The following GRAMD1C variants were observed in gnomAD, a reference collection of about 807,000 sequenced individuals.
The protein encoded by GRAMD1C is GRAM domain containing 1C, also known as protein Aster-C.
GRAMD1C carries 89 observed loss-of-function variants against 97.8 expected under a neutral mutation model. That is an observed-to-expected ratio of 0.91 (90% CI 0.77 to 1.09). GRAMD1C has a LOEUF of 1.09. GRAMD1C is among the 50% of genes least tolerant of loss of function. The probability of loss-of-function intolerance (pLI) is 0.00; values close to 1 mark genes in which losing one functional copy is unlikely to be tolerated. For synonymous variants in GRAMD1C, 256 were observed against 267.0 expected, an observed-to-expected ratio of 0.96 and a Z score of 0.40; for missense variants, 740 against 766.4, an observed-to-expected ratio of 0.97 and a Z score of 0.41.
At chr3:113,847,425 T>A (rs988022740) in intron 2 of GRAMD1C, among the ~76,000 whole-genome samples, 2 of 152,238 alleles carry the variant, frequency 1.3e-5, no homozygotes, top group Non-Finnish European at 2.9e-5. Flanking sequence ...AAGTATGGCA[T>A]GTGCAATGAA....
upstream of GRAMD1C, among the ~76,000 whole-genome samples, chr3:113,835,677 G>A (rs938430294): frequency 6.6e-6 from 1 of 152,168 alleles, no homozygotes; most frequent in Non-Finnish European, 1.5e-5. Flanking sequence ...GCTGTTATTG[G>A]GAAAAAGGCA....
intron 12 of GRAMD1C, among the ~76,000 whole-genome samples, chr3:113,934,082 T>C (rs1191925663): frequency 2.0e-5 from 3 of 152,242 alleles, no homozygotes; most frequent in Non-Finnish European, 2.9e-5. Context: ...CTCTGGTTAA[T>C]GTAGTTACTT....
At chr3:113,919,522 G>T in intron 10 of GRAMD1C, 1 of 545,784 alleles carries the variant, frequency 1.8e-6, no homozygotes, top group South Asian at 1.4e-5. Flanking sequence ...CTGGAGAACT[G>T]ACTCAGAGAA....
intron 6 of GRAMD1C, among the ~76,000 whole-genome samples, chr3:113,892,557 G>T (rs1396288074): frequency 6.6e-6 from 1 of 152,128 alleles, no homozygotes; most frequent in African/African-American, 2.4e-5. Flanking sequence ...ATTTGACCTG[G>T]TGAAACATAA....
intron 6 of GRAMD1C, chr3:113,885,767 C>A: frequency 6.3e-7 from 1 of 1,593,980 alleles, no homozygotes; most frequent in South Asian, 1.1e-5. Context: ...GGAGATATTA[C>A]AGACAGCACT....
At chr3:113,880,348 A>T (rs1219250948) in intron 5 of GRAMD1C, among the ~76,000 whole-genome samples, 1 of 152,116 alleles carries the variant, frequency 6.6e-6, no homozygotes, top group Admixed American at 6.5e-5. Flanking sequence ...TGCATATATA[A>T]ATGTATAGTT....
intron 6 of GRAMD1C, chr3:113,886,121 A>G: frequency 2.0e-6 from 3 of 1,486,888 alleles, no homozygotes; most frequent in Non-Finnish European, 2.7e-6. Flanking sequence ...GCCCTGTCCA[A>G]TGTGAGGACT....
At chr3:113,829,638 G>T (rs527667400) in intron 1 of GRAMD1C, among the ~76,000 whole-genome samples, 2 of 152,278 alleles carry the variant, frequency 1.3e-5, no homozygotes, top group African/African-American at 4.8e-5. Context: ...CTTTTACTCA[G>T]ATTTTCATGT....
At chr3:113,923,978 G>A (rs1212321291) in intron 10 of GRAMD1C, among the ~76,000 whole-genome samples, 1 of 151,624 alleles carries the variant, frequency 6.6e-6, no homozygotes, top group Non-Finnish European at 1.5e-5. Context: ...TCTGTGCGGG[G>A]TTTTAATTTC....
chr3:113,892,768 G>C (rs2107428656), intron 6 of GRAMD1C, among the ~76,000 whole-genome samples: 1 of 152,050 alleles, frequency 6.6e-6, no homozygotes, highest in East Asian at 1.9e-4. Flanking sequence ...ATGTTTTCTT[G>C]GTCTTTGTAA....
In GRAMD1C at chr3:113,882,735, A is replaced by G. The variant is rs1284086166; in HGVS notation, c.460-17A>G. The G allele has an allele frequency of 1.4e-6, 2 of 1,429,180 alleles. No homozygotes were observed. Among genetic ancestry groups the G allele is most frequent in the Non-Finnish European group, 2.0e-6 (2 of 1,011,744 alleles). 88.5% of individuals were successfully genotyped at this position (1,429,180 alleles called of 1,614,324 possible). On this transcript the variant is annotated splice_polypyrimidine_tract_variant and intron_variant, in intron 5 of 17. Transcript: ENST00000358160. Reference sequence around the variant, plus strand: ...TTTTCCATGACACTAAAATTCTCCTATTATTTTTCTTTGCAGTTTTTCTTC... The same window carrying G: ...TTTTCCATGACACTAAAATTCTCCTGTTATTTTTCTTTGCAGTTTTTCTTC...
intron 2 of GRAMD1C, among the ~76,000 whole-genome samples, chr3:113,849,488 T>C (rs1438357284): frequency 4.0e-5 from 6 of 151,558 alleles, no homozygotes; most frequent in East Asian, 3.9e-4. Context: ...TAGGGAGTGG[T>C]GATGACTCTT....
rs76878239 is a variant in GRAMD1C at position 113,875,489 on chromosome 3, G to T, written c.265G>T (p.Ala89Ser). The T allele has an allele frequency of 7.2e-7, 1 of 1,383,952 alleles. No individual in the cohort carries two copies. The highest frequency in any genetic ancestry group is 1.4e-5 in the African/African-American group (1 of 71,858). The allele number at this position is 1,383,952 out of a possible 1,614,324, so 85.7% of individuals were successfully genotyped here. A position where few individuals can be genotyped will look rare whatever the true frequency, so the allele number is the denominator to read the frequency against. ...TCTTATTTTTGTGTATATAGATTAT[G>T]CTTGTGCTCTTCAGAGGGACATTTT... is the stretch of plus-strand genomic sequence containing the variant. ...PDTERLIADY[A>S]CALQRDILLQ... is the part of the protein sequence containing the mutation. Residue 89 changes from alanine to serine, a missense_variant, in exon 4 of 18, where the codon GCT (alanine) becomes TCT (serine). Physicochemically the swap from Ala to Ser is moderately conservative, Grantham distance 99. Transcript: ENST00000358160.
At chr3:113,920,159 T>G in intron 10 of GRAMD1C, 1 of 1,408,804 alleles carries the variant, frequency 7.1e-7, no homozygotes, top group African/African-American at 1.4e-5. Context: ...GTGATTTGAA[T>G]CTCCAGAATC....
At chr3:113,905,368 G>A (rs1936332930) in intron 8 of GRAMD1C, among the ~76,000 whole-genome samples, 1 of 152,162 alleles carries the variant, frequency 6.6e-6, no homozygotes, top group South Asian at 2.1e-4. Flanking sequence ...TCTTAGTGAA[G>A]AATGGTATTT....
chr3:113,857,990 T>TG (rs1441755342), intron 2 of GRAMD1C, among the ~76,000 whole-genome samples: 8 of 152,204 alleles, frequency 5.3e-5, no homozygotes, highest in Non-Finnish European at 8.8e-5. Context: ...GGTTTAGTAT[T>TG]GGGGTAATAC....
intron 6 of GRAMD1C, among the ~76,000 whole-genome samples, chr3:113,893,309 A>G (rs1048664531): frequency 2.6e-5 from 4 of 152,016 alleles, no homozygotes; most frequent in Non-Finnish European, 5.9e-5. Context: ...GGGACCACAT[A>G]ATCAAGACCC....
intron 6 of GRAMD1C, among the ~76,000 whole-genome samples, chr3:113,887,800 A>C (rs976218060): frequency 3.9e-5 from 6 of 151,998 alleles, no homozygotes; most frequent in Non-Finnish European, 8.8e-5. Flanking sequence ...TTTAGGACTG[A>C]AAGTGGTGAC....
chr3:113,887,708 CAAAAAAAAAA>C (rs1156243184), intron 6 of GRAMD1C, among the ~76,000 whole-genome samples: 2 of 47,538 alleles, frequency 4.2e-5, no homozygotes, highest in African/African-American at 1.7e-4. Context: ...ACTCCGTCTC[CAAAAAAAAAA>C]AAAAAAAAAA....
Sources: gnomAD v4.1 joint callset for allele counts (sites outside exome capture counted in the v4.1 genomes callset) on GRCh38, gnomAD v4.1.1 for gene constraint, MANE v1.5 for transcripts, NCBI Gene and HGNC (gene_info 2026-07-23, HGNC 2026-07-21) for gene names.